The following CSMD2 variants were observed in gnomAD, a reference collection of about 807,000 sequenced individuals.
CSMD2 encodes the protein CUB and sushi domain-containing protein 2.
A neutral mutation model predicts 398.5 loss-of-function variants in CSMD2; 130 were observed. The observed-to-expected ratio is 0.33, with a 90% CI of 0.28 to 0.38. The LOEUF is 0.38. Among genes scored for constraint, CSMD2 ranks in the 10% least tolerant of loss-of-function variants. The pLI, the probability that CSMD2 is intolerant of heterozygous loss-of-function variation, is 1.00. For synonymous variants in CSMD2, 1,828 were observed against 1,908.5 expected, an observed-to-expected ratio of 0.96 and a Z score of 1.10; for missense variants, 3,829 against 4,764.9, an observed-to-expected ratio of 0.80 and a Z score of 5.78.
At chr1:34,029,332 C>A (rs935237230) in intron 3 of CSMD2, among the ~76,000 whole-genome samples, 1 of 152,182 alleles carries the variant, frequency 6.6e-6, no homozygotes, top group Non-Finnish European at 1.5e-5. Flanking sequence ...CTCCACCCCA[C>A]AATGAGGCTC....
chr1:33,912,222 C>T (rs1023237885), intron 5 of CSMD2, among the ~76,000 whole-genome samples: 5 of 151,920 alleles, frequency 3.3e-5, no homozygotes, highest in East Asian at 1.9e-4. Flanking sequence ...CAGGGTGATC[C>T]GAGTGAAATA....
Position 34,076,931 on chromosome 1 carries a change from AT to A in CSMD2, c.404+12045del, listed in dbSNP as rs1558342724. Among the ~76,000 whole-genome samples the A allele has an allele frequency of 5.1e-3, 417 of 81,154 alleles. 3 individuals carry two copies. Among genetic ancestry groups the A allele is most frequent in the South Asian group, 0.011 (17 of 1,522 alleles). 53.2% of individuals were successfully genotyped at this position (81,154 alleles called of 152,430 possible). On this transcript the variant is annotated intron_variant, in intron 2 of 70. Coordinates refer to ENST00000373381, the MANE Select transcript of CSMD2 (RefSeq NM_001281956.2). The stretch of plus-strand genomic sequence containing the variant: ...AAGCAAAAAAAAAAAAAAAAAAAAT[AT>A]ATATATATATATATATATATATATA...
chr1:33,950,727 G>A (rs1278007487), intron 3 of CSMD2, among the ~76,000 whole-genome samples: 1 of 152,156 alleles, frequency 6.6e-6, no homozygotes, highest in Non-Finnish European at 1.5e-5. Flanking sequence ...CTCCCCAGGT[G>A]AAAAAGAGGG....
intron 12 of CSMD2, among the ~76,000 whole-genome samples, chr1:33,783,561 GA>G (rs1460288671): frequency 6.6e-6 from 1 of 151,782 alleles, no homozygotes; most frequent in African/African-American, 2.4e-5. Flanking sequence ...GCCCTCATCA[GA>G]AACCAAATTG....
chr1:33,945,466 GA>G (rs991533845), intron 3 of CSMD2, among the ~76,000 whole-genome samples: 43 of 152,208 alleles, frequency 2.8e-4, no homozygotes, highest in African/African-American at 1.0e-3. Flanking sequence ...TGGGGCAGAG[GA>G]AAAGGGGAAG....
chr1:33,999,230 G>A (rs1324398940), intron 3 of CSMD2, among the ~76,000 whole-genome samples: 1 of 152,150 alleles, frequency 6.6e-6, no homozygotes, highest in Non-Finnish European at 1.5e-5. Context: ...AATGCCAGAG[G>A]AGGAGGCAAT....
intron 21 of CSMD2, among the ~76,000 whole-genome samples, chr1:33,710,544 G>A (rs772243570): frequency 2.0e-5 from 3 of 152,156 alleles, no homozygotes; most frequent in Admixed American, 1.3e-4. Context: ...GGACATATGG[G>A]GAATTTGGAG....
At chr1:33,853,723 G>A (rs1638874578) in intron 5 of CSMD2, among the ~76,000 whole-genome samples, 1 of 152,218 alleles carries the variant, frequency 6.6e-6, no homozygotes, top group African/African-American at 2.4e-5. Flanking sequence ...GATCTACTGA[G>A]GCCATGGGAG....
At chr1:33,715,903 A>G (rs1646150436) in intron 20 of CSMD2, among the ~76,000 whole-genome samples, 2 of 69,600 alleles carry the variant, frequency 2.9e-5, no homozygotes, top group African/African-American at 7.2e-5. Context: ...TGTTAATTTC[A>G]AACCTTTTTT....
chr1:34,044,620 T>A (rs1652265299), intron 2 of CSMD2, among the ~76,000 whole-genome samples: 1 of 152,222 alleles, frequency 6.6e-6, no homozygotes, highest in African/African-American at 2.4e-5. Context: ...GATGTGGTTC[T>A]GTGCTGCCCC....
intron 37 of CSMD2, among the ~76,000 whole-genome samples, chr1:33,618,634 T>C (rs1641554216): frequency 6.6e-6 from 1 of 151,932 alleles, no homozygotes; most frequent in Non-Finnish European, 1.5e-5. Context: ...CAGCTTAATC[T>C]TCCTCCTCCT....
At chr1:33,954,341 G>A (rs141873774) in intron 3 of CSMD2, among the ~76,000 whole-genome samples, 1,778 of 152,094 alleles carry the variant, frequency 0.012, 18 homozygotes, top group Non-Finnish European at 0.017. Context: ...GAAACCTGTA[G>A]GGCCCAGGGT....
chr1:33,677,788 G>A (rs376470129), intron 25 of CSMD2, among the ~76,000 whole-genome samples: 14 of 151,764 alleles, frequency 9.2e-5, no homozygotes, highest in Non-Finnish European at 1.8e-4. Context: ...ATAAAAAATG[G>A]TGAGTTCATG....
rs574524063 is a variant in CSMD2 at position 33,890,323 on chromosome 1, C to T, written c.920+27771G>A. ...GTTGCTCACTGCAAGCTCCGCCTCC[C>T]GGGTGCACACCATTCTCCTGCCTCA... On this transcript the variant is annotated intron_variant, in intron 5 of 70. Coordinates refer to ENST00000373381, the MANE Select transcript of CSMD2 (RefSeq NM_001281956.2). Among the ~76,000 whole-genome samples, 59 of 151,244 alleles carry T rather than the reference C, an allele frequency of 3.9e-4. No homozygotes were observed. The Middle Eastern group carries it at 0.014, about 35-fold the overall frequency.
chr1:33,698,987 G>A (rs1207145768), intron 23 of CSMD2, 43 bp from the exon 24 acceptor site: 1 of 1,526,926 alleles, frequency 6.5e-7, no homozygotes, highest in Non-Finnish European at 8.9e-7. Context: ...ACCTATTGTG[G>A]CAGAAACCAT....
At chr1:33,725,615 C>G in intron 16 of CSMD2, 79 bp from the exon 17 acceptor site, 3 of 1,346,454 alleles carry the variant, frequency 2.2e-6, no homozygotes, top group Non-Finnish European at 3.1e-6. Context: ...CCTGCCTGAC[C>G]CAGGGCTTCC....
At chr1:33,594,266 G>A (rs1429187606) in intron 44 of CSMD2, among the ~76,000 whole-genome samples, 2 of 152,144 alleles carry the variant, frequency 1.3e-5, no homozygotes, top group Non-Finnish European at 2.9e-5. Context: ...AGATAGAGTG[G>A]CAATAATTGT....
chr1:33,705,096 CTTTTT>C (rs1645732403), intron 22 of CSMD2, among the ~76,000 whole-genome samples: 1 of 152,014 alleles, frequency 6.6e-6, no homozygotes, highest in East Asian at 1.9e-4. Context: ...GATTTCTGTT[CTTTTT>C]AAAATTTTTA....
At chr1:33,713,821 GA>G (rs1158392073) in intron 21 of CSMD2, among the ~76,000 whole-genome samples, 3 of 152,132 alleles carry the variant, frequency 2.0e-5, no homozygotes, top group African/African-American at 7.2e-5. Flanking sequence ...CAACTCATCA[GA>G]GAGGCCTTTT....
Sources: gnomAD v4.1 joint callset for allele counts (sites outside exome capture counted in the v4.1 genomes callset) on GRCh38, gnomAD v4.1.1 for gene constraint, MANE v1.5 for transcripts, NCBI Gene and HGNC (gene_info 2026-07-23, HGNC 2026-07-21) for gene names.